The following MOCS2 variants were observed in gnomAD, a reference collection of about 807,000 sequenced individuals.
MOCS2 encodes the protein molybdopterin synthase catalytic subunit.
A neutral mutation model predicts 21.9 loss-of-function variants in MOCS2; 13 were observed. The ratio of observed to expected loss-of-function variants is 0.59; its 90% CI spans 0.39 to 0.94. The LOEUF is 0.94. Ranked by LOEUF, MOCS2 falls within the 40% of genes least tolerant of loss-of-function variation. The pLI, the probability that MOCS2 is intolerant of heterozygous loss-of-function variation, is 0.00. For synonymous variants in MOCS2, 92 were observed against 80.8 expected (o/e 1.14, Z -0.74); for missense variants, 227 against 218.3 (o/e 1.04, Z -0.25).
At chr5:53,106,441 T>C (rs1206717483) in intron 3 of MOCS2, among the ~76,000 whole-genome samples, 1 of 152,132 alleles carries the variant, frequency 6.6e-6, no homozygotes, top group Non-Finnish European at 1.5e-5. Flanking sequence ...AGCCAACTAA[T>C]GCGGGAACAG....
At position 53,105,532 on chromosome 5, in the gene MOCS2, C is replaced by T. The variant is rs146723374; in HGVS notation, c.98+1545G>A. Among the ~76,000 whole-genome samples, 1,030 of 152,264 alleles carry T rather than the reference C, an allele frequency of 6.8e-3. 20 individuals carry two copies. The highest frequency in any genetic ancestry group is 0.024 in the African/African-American group (978 of 41,540). On this transcript the variant is annotated intron_variant, in intron 3 of 6. Transcript: ENST00000396954. The stretch of plus-strand genomic sequence containing the variant: ...TAACTGGCTAGCCATGTGCAGAAGA[C>T]TGAAACTGGGCCCTTTCCTTATACC...
intron 6 of MOCS2, 107 bp from the exon 7 acceptor site, chr5:53,098,774 G>T: frequency 1.2e-6 from 1 of 822,248 alleles, no homozygotes; most frequent in Non-Finnish European, 2.1e-6. Flanking sequence ...TATTTCAATG[G>T]CTCCTCTTTT....
At position 53,102,216 on chromosome 5, in the gene MOCS2, A is replaced by C; in HGVS notation, c.107T>G (p.Met36Arg). ...DSAFEPSRKD[M>R]DEVEEKSKDV... ...TTTAGATTTCTCTTCAACTTCATCC[A>C]TATCTTTCCTAGAAATAATACATTA... Residue 36 changes from methionine (M) to arginine (R), a missense_variant, in exon 4 of 7, where the codon ATG becomes AGG. Coordinates refer to ENST00000396954, the MANE Select transcript of MOCS2 (RefSeq NM_004531.5). The C allele has an allele frequency of 6.2e-7, 1 of 1,612,044 alleles. No homozygotes were observed. Among genetic ancestry groups the C allele is most frequent in the Non-Finnish European group, 8.5e-7 (1 of 1,178,520 alleles).
At chr5:53,108,492 C>G in intron 2 of MOCS2, 30 bp downstream of exon 2, 1 of 1,588,524 alleles carries the variant, frequency 6.3e-7, no homozygotes, top group Non-Finnish European at 8.6e-7. Flanking sequence ...CTAAGTGTTA[C>G]TCATATGCAT....
chr5:53,108,443 A>T, intron 2 of MOCS2, 79 bp downstream of exon 2: 1 of 1,319,572 alleles, frequency 7.6e-7, no homozygotes, highest in East Asian at 2.4e-5. Flanking sequence ...AATCGAAATT[A>T]ACCTTTTTAC....
rs763062352 is a variant in MOCS2, at chr5:53,109,724, C to A, written c.-643G>T. 7 of 1,551,506 alleles carry A rather than the reference C, an allele frequency of 4.5e-6. No individual in the cohort carries two copies. Among genetic ancestry groups the A allele is most frequent in the Admixed American group, 1.9e-5 (1 of 51,314 alleles). Reference sequence around the variant, plus strand: ...CCGCCACCCTTACCTGGCACAGCGGCACCATCCCGCCTAGGACAGCGGGAC... The same window carrying A: ...CCGCCACCCTTACCTGGCACAGCGGAACCATCCCGCCTAGGACAGCGGGAC... On this transcript the variant is annotated 5_prime_UTR_variant, in exon 1 of 7. Transcript: ENST00000396954.
In MOCS2 at chr5:53,101,432, C is replaced by A. The variant is rs1740904060; in HGVS notation, c.304G>T (p.Glu102Ter). Residue 102 changes from glutamate to a stop codon, truncating the protein, a stop_gained, in exon 5 of 7, where the codon GAA becomes TAA. Coordinates refer to ENST00000396954, the MANE Select transcript of MOCS2 (RefSeq NM_004531.5). LOFTEE classifies it high-confidence loss of function. ...ATGTCACTACAAATCTTTCTGACTT[C>A]ATTTTCCGCCATGGGTAGATATGCT... The part of the protein sequence containing the change: ...YEAYLPMAEN[E>*]VRKICSDIRQ... 2 of 1,613,636 alleles carry A rather than the reference C, an allele frequency of 1.2e-6. No individual in the cohort carries two copies. The highest frequency in any genetic ancestry group is 1.3e-5 in the African/African-American group (1 of 75,010).
At position 53,098,633 on chromosome 5, in the gene MOCS2, T is replaced by A. The variant is rs1456635384; in HGVS notation, c.536A>T (p.Asn179Ile). ...GTTGGATGCCCAAAAGCACTCTTTG[T>A]TTCCTTTCCAAGTTGATGACTCTTC... is the stretch of plus-strand genomic sequence containing the variant. ...IYEESSTWKGNKECFWASNS is the reference protein window; with the variant it reads ...IYEESSTWKGIKECFWASNS The change falls in exon 7 of 7, where the codon AAC becomes ATC. Residue 179 changes from asparagine to isoleucine, a missense_variant. Coordinates refer to ENST00000396954, the MANE Select transcript of MOCS2 (RefSeq NM_004531.5). 6.2e-7 allele frequency: 1 copy of A among 1,613,938 alleles called. No homozygotes were observed. The highest frequency in any genetic ancestry group is 8.5e-7 in the Non-Finnish European group (1 of 1,179,882).
chr5:53,098,402 C>T lies in MOCS2; in HGVS notation c.*200G>A. The T allele has an allele frequency of 1.7e-6, 1 of 601,694 alleles. No homozygotes were observed. Among genetic ancestry groups the T allele is most frequent in the South Asian group, 2.0e-5 (1 of 49,150 alleles). 37.3% of individuals were successfully genotyped at this position (601,694 alleles called of 1,614,324 possible). The stretch of plus-strand genomic sequence containing the variant: ...TATTCCATTTCTTCCTACAGTCCTC[C>T]TTCTATCTTTAGTTCCATTTTAAAT... On this transcript the variant is annotated 3_prime_UTR_variant, in exon 7 of 7. Coordinates refer to ENST00000396954, the MANE Select transcript of MOCS2 (RefSeq NM_004531.5).
At chr5:53,098,979 GCTGC>G (rs1331483230) in intron 6 of MOCS2, among the ~76,000 whole-genome samples, 1 of 152,130 alleles carries the variant, frequency 6.6e-6, no homozygotes, top group African/African-American at 2.4e-5. Context: ...ACAAGTTTGA[GCTGC>G]CCTCTGGTAT....
At chr5:53,107,719 T>C (rs963469191) in intron 2 of MOCS2, 1 of 154,954 alleles carries the variant, frequency 6.5e-6, no homozygotes, top group Non-Finnish European at 1.4e-5. Flanking sequence ...TGTTCCTTTA[T>C]ACCTGAACAA....
At chr5:53,098,723 T>C (rs1358756525) in intron 6 of MOCS2, 56 bp from the exon 7 acceptor site, 6 of 1,190,640 alleles carry the variant, frequency 5.0e-6, no homozygotes, top group Non-Finnish European at 7.5e-6. Context: ...TATACGAATA[T>C]AAAATATATT....
intron 3 of MOCS2, among the ~76,000 whole-genome samples, chr5:53,104,137 T>C (rs972780506): frequency 1.3e-5 from 2 of 152,214 alleles, no homozygotes; most frequent in African/African-American, 4.8e-5. Context: ...AATGTTCTTT[T>C]TCCTATCTCC....
chr5:53,100,514 G>A lies in MOCS2; in HGVS notation c.398C>T (p.Ala133Val), dbSNP rs776461436. ...HRLGLVPVSE[A>V]SIIIAVSSAH... ...TGAGGACACAGCAATGATTATGCTT[G>A]CTTCTGACACTGGAACCAAGCTTTA... Residue 133 changes from alanine (A) to valine (V), a missense_variant, in exon 6 of 7, where the codon GCA (alanine) becomes GTA (valine). Ala to Val is a moderately conservative substitution (Grantham distance 64, BLOSUM62 0). Transcript: ENST00000396954. 4 of 1,613,656 alleles carry A rather than the reference G, an allele frequency of 2.5e-6. No homozygotes were observed. The East Asian group carries it at 6.7e-5, about 27-fold the overall frequency.
At chr5:53,108,953 A>G (rs1213378513) in intron 1 of MOCS2, among the ~76,000 whole-genome samples, 1 of 152,218 alleles carries the variant, frequency 6.6e-6, no homozygotes, top group African/African-American at 2.4e-5. Flanking sequence ...ACATAAAAGT[A>G]TAGCACCTTT....
Position 53,096,329 on chromosome 5 carries a change from T to C in MOCS2, c.*2273A>G, listed in dbSNP as rs1441017255. ...ATTGAATATCTGCTGTTACTTTCATTCAAAGATGATAAAAATCAATTTCAT... is the reference window on the plus strand; with the variant it reads ...ATTGAATATCTGCTGTTACTTTCATCCAAAGATGATAAAAATCAATTTCAT... On this transcript the variant is annotated 3_prime_UTR_variant, in exon 7 of 7. Transcript: ENST00000396954. The C allele has an allele frequency of 1.3e-5, 2 of 152,222 alleles. No homozygotes were observed. Among genetic ancestry groups the C allele is most frequent in the African/African-American group, 2.4e-5 (1 of 41,464 alleles). The allele number at this position is 152,222 out of a possible 1,614,324, so 9.4% of individuals were successfully genotyped here.
rs545697783 is a variant in MOCS2, at chr5:53,109,286, T to C, written c.-205A>G. 4.2e-4 allele frequency: 421 copies of C among 1,011,958 alleles called. 4 individuals are homozygous for C. The African/African-American group carries it at 6.7e-3, about 16-fold the overall frequency. The allele number at this position is 1,011,958 out of a possible 1,614,324, so 62.7% of individuals were successfully genotyped here. A position where few individuals can be genotyped will look rare whatever the true frequency, so the allele number is the denominator to read the frequency against. On this transcript the variant is annotated 5_prime_UTR_variant, in exon 1 of 7. Coordinates refer to ENST00000396954, the MANE Select transcript of MOCS2 (RefSeq NM_004531.5). Reference sequence around the variant, plus strand: ...GTGCAAACAACTCTTTACGAAATAATTACAGGTTTGCAAATGATCAAGGGT... The same window carrying C: ...GTGCAAACAACTCTTTACGAAATAACTACAGGTTTGCAAATGATCAAGGGT...
intron 2 of MOCS2, chr5:53,107,782 C>G (rs923879811): frequency 1.3e-5 from 2 of 152,922 alleles, no homozygotes; most frequent in South Asian, 2.1e-4. Flanking sequence ...CCTGCTGTCT[C>G]CCTCCAGGTA....
chr5:53,098,738 T>C, intron 6 of MOCS2, 71 bp from the exon 7 acceptor site: 1 of 1,095,126 alleles, frequency 9.1e-7, no homozygotes, highest in Non-Finnish European at 1.4e-6. Flanking sequence ...TATATTTGAA[T>C]AAATCAGACA....
Sources: allele counts gnomAD v4.1 joint callset (sites outside exome capture counted in the v4.1 genomes callset), GRCh38; gene constraint gnomAD v4.1.1; transcripts MANE v1.5; gene names NCBI Gene and HGNC (gene_info 2026-07-23, HGNC 2026-07-21).